The following ANO9 variants were observed in gnomAD, a reference collection of about 807,000 sequenced individuals.
ANO9 encodes anoctamin 9.
Under a neutral mutation model 100.5 loss-of-function variants are expected in ANO9, and 80 were observed. The ratio of observed to expected loss-of-function variants is 0.80; its 90% CI spans 0.66 to 0.96. ANO9 has a LOEUF of 0.96. Among genes scored for constraint, ANO9 ranks in the 40% least tolerant of loss-of-function variants. The probability of loss-of-function intolerance (pLI) is 0.00; values close to 1 mark genes in which losing one functional copy is unlikely to be tolerated. For missense variants in ANO9, 1,064 were observed against 1,072.7 expected (o/e 0.99, Z 0.11); for synonymous variants, 473 against 435.6 (o/e 1.09, Z -1.07).
intron 1 of ANO9, among the ~76,000 whole-genome samples, chr11:437,559 C>T (rs10751659): frequency 0.86 from 130,213 of 152,292 alleles, 56,171 homozygotes; most frequent in East Asian, 1. Context: ...CAGGCGTGGC[C>T]TGCCACACTG....
chr11:423,403 TAGTC>T (rs1447180286), intron 15 of ANO9, among the ~76,000 whole-genome samples: 1 of 152,168 alleles, frequency 6.6e-6, no homozygotes, highest in Non-Finnish European at 1.5e-5. Flanking sequence ...TGGGGATGGT[TAGTC>T]AATCAATGGT....
intron 19 of ANO9, 67 bp from the exon 20 acceptor site, chr11:419,796 C>A (rs1006970463): frequency 1.2e-5 from 19 of 1,574,800 alleles, no homozygotes; most frequent in Non-Finnish European, 1.6e-5. Flanking sequence ...CTCACCCCCA[C>A]CCCCGGCCAA....
At chr11:424,312 C>T (rs1848368770) in intron 15 of ANO9, among the ~76,000 whole-genome samples, 1 of 152,202 alleles carries the variant, frequency 6.6e-6, no homozygotes, top group Admixed American at 6.5e-5. Flanking sequence ...AGATTTTTCA[C>T]GCTGTTTTCC....
chr11:428,015 G>A, intron 15 of ANO9, 73 bp downstream of exon 15: 1 of 1,122,688 alleles, frequency 8.9e-7, no homozygotes, highest in Non-Finnish European at 1.3e-6. Context: ...TAAAAGAATG[G>A]ACATTGCCAC....
chr11:420,797 G>C lies in ANO9; in HGVS notation c.1554C>G (p.Pro518=), dbSNP rs752954745. Residue 518 remains proline (P), a synonymous_variant, in exon 18 of 23, where the codon CCC becomes CCG. Coordinates refer to ENST00000332826, the MANE Select transcript of ANO9 (RefSeq NM_001012302.3). The part of the protein sequence containing the change: ...ASESGHLPRD[P]ELRDWRRNYL... Reference sequence around the variant, plus strand: ...AGTTGCGCCGCCAGTCCCTGAGCTCGGGGTCCCGGGGCAGGTGCCCGGACT... The same window carrying C: ...AGTTGCGCCGCCAGTCCCTGAGCTCCGGGTCCCGGGGCAGGTGCCCGGACT... 8 of 1,596,844 alleles carry C rather than the reference G, an allele frequency of 5.0e-6. No individual in the cohort carries two copies. In the Admixed American group the frequency reaches 1.0e-4, roughly 20 times the overall value.
At chr11:440,053 C>T (rs112531203) in intron 1 of ANO9, among the ~76,000 whole-genome samples, 1,634 of 152,164 alleles carry the variant, frequency 0.011, 26 homozygotes, top group African/African-American at 0.038. Context: ...GCAGCATTCC[C>T]GGGAGAAAGA....
rs1848033298 is a variant in ANO9 at position 419,307 on chromosome 11, G to C, written c.1934+275C>G. Reference sequence around the variant, plus strand: ...AGAGGACATGCGGAACCTCACATCGGGAGGGAGCCGTTCTGGCAGGGCCTA... The same window carrying C: ...AGAGGACATGCGGAACCTCACATCGCGAGGGAGCCGTTCTGGCAGGGCCTA... On this transcript the variant is annotated intron_variant, in intron 20 of 22. Transcript: ENST00000332826. 6 of 1,408,908 alleles carry C rather than the reference G, an allele frequency of 4.3e-6. No homozygotes were observed. In the Admixed American group the frequency reaches 1.8e-4, roughly 41 times the overall value. The allele number at this position is 1,408,908 out of a possible 1,614,324, so 87.3% of individuals were successfully genotyped here.
rs191411887 is a variant in ANO9, at chr11:425,858, A to G, written c.1334+2230T>C. Among the ~76,000 whole-genome samples the G allele has an allele frequency of 8.0e-3, 1,220 of 151,972 alleles. 25 individuals carry two copies. Among genetic ancestry groups the G allele is most frequent in the African/African-American group, 0.027 (1,139 of 41,438 alleles). ...ACCATTCTGCCTCAGCCTCCCCAGT[A>G]GCTGGGACTACAGGTGCCCGCCACC... On this transcript the variant is annotated intron_variant, in intron 15 of 22. Transcript: ENST00000332826.
At chr11:435,463 A>T (rs146730949) in intron 1 of ANO9, among the ~76,000 whole-genome samples, 25,812 of 142,852 alleles carry the variant, frequency 0.18, 2,939 homozygotes, top group Middle Eastern at 0.23. Flanking sequence ...AGGATAGCAT[A>T]GTATAGCATA....
chr11:438,586 C>T (rs1303972362), intron 1 of ANO9, among the ~76,000 whole-genome samples: 1 of 151,128 alleles, frequency 6.6e-6, no homozygotes, highest in African/African-American at 2.5e-5. Context: ...TCTGTCCATC[C>T]GTCTCCAGGG....
intron 1 of ANO9, among the ~76,000 whole-genome samples, chr11:441,658 C>T (rs1845882224): frequency 6.6e-6 from 1 of 152,180 alleles, no homozygotes; most frequent in South Asian, 2.1e-4. Flanking sequence ...GAGCCCAGCC[C>T]TGGTGCCCTC....
chr11:423,717 C>A (rs1590427495), intron 15 of ANO9, among the ~76,000 whole-genome samples: 1 of 151,740 alleles, frequency 6.6e-6, no homozygotes, highest in East Asian at 1.9e-4. Context: ...GGTTTGGGGG[C>A]AGTGGGTCTC....
chr11:433,717 G>A, intron 3 of ANO9, 98 bp downstream of exon 3: 2 of 1,474,742 alleles, frequency 1.4e-6, no homozygotes, highest in South Asian at 2.7e-5. Context: ...CCACAGCCCT[G>A]CCCCTCGCTG....
intron 20 of ANO9, 39 bp from the exon 21 acceptor site, chr11:419,028 T>A: frequency 6.2e-7 from 1 of 1,611,314 alleles, no homozygotes; most frequent in South Asian, 1.1e-5. Flanking sequence ...GGGGTGGGCT[T>A]CCAGGGCGGC....
Position 418,732 on chromosome 11 carries a change from G to T in ANO9, c.2118C>A (p.Val706=). 1 of 1,613,016 alleles carries T rather than the reference G, an allele frequency of 6.2e-7. No homozygotes were observed. The highest frequency in any genetic ancestry group is 8.5e-7 in the Non-Finnish European group (1 of 1,180,012). The change falls in exon 22 of 23, where the codon GTC becomes GTA. Residue 706 remains valine, a synonymous_variant. Transcript: ENST00000332826. ...GGTTCTGGCTCACCTCAAAGAGGATGACGAAGGCCAGGCGGATGGCCAGGA... is the reference window on the plus strand; with the variant it reads ...GGTTCTGGCTCACCTCAAAGAGGATTACGAAGGCCAGGCGGATGGCCAGGA... ...WFLLAIRLAF[V]ILFEHVALCI... is the part of the protein sequence containing the mutation.
chr11:429,749 G>A lies in ANO9; in HGVS notation c.832+9C>T, dbSNP rs368778787. 74 of 1,611,578 alleles carry A rather than the reference G, an allele frequency of 4.6e-5. No homozygotes were observed. The African/African-American group carries it at 4.7e-4, about 10-fold the overall frequency. Reference sequence around the variant, plus strand: ...CCTGGCCCCGCAGAGGCGTCCCGCAGCAACTCACCCCAGAGAGCCATGAAG... The same window carrying A: ...CCTGGCCCCGCAGAGGCGTCCCGCAACAACTCACCCCAGAGAGCCATGAAG... On this transcript the variant is annotated intron_variant, in intron 10 of 22. Transcript: ENST00000332826.
chr11:418,882 C>T lies in ANO9; in HGVS notation c.2036+6G>A. ...GGGCATTCTTGGGGGATGGGGAGTT[C>T]CAAACCTGCACAGAGTCACGTTTTC... On this transcript the variant is annotated splice_donor_region_variant and intron_variant, in intron 21 of 22. Coordinates refer to ENST00000332826, the MANE Select transcript of ANO9 (RefSeq NM_001012302.3). 6.2e-7 allele frequency: 1 copy of T among 1,613,616 alleles called. No individual in the cohort carries two copies. The highest frequency in any genetic ancestry group is 1.3e-5 in the African/African-American group (1 of 75,028).
chr11:441,802 C>G (rs374885023), intron 1 of ANO9, 119 bp downstream of exon 1: 3 of 1,436,466 alleles, frequency 2.1e-6, no homozygotes, highest in Non-Finnish European at 1.8e-6. Context: ...TGCAGGGACC[C>G]CCCCCACACA....
intron 1 of ANO9, among the ~76,000 whole-genome samples, chr11:439,830 C>A (rs1347961090): frequency 6.6e-6 from 1 of 152,156 alleles, no homozygotes; most frequent in Non-Finnish European, 1.5e-5. Flanking sequence ...TCTGCCCACC[C>A]CCCGGCCCCT....
Sources: allele counts gnomAD v4.1 joint callset (sites outside exome capture counted in the v4.1 genomes callset), GRCh38; gene constraint gnomAD v4.1.1; transcripts MANE v1.5; gene names NCBI Gene and HGNC (gene_info 2026-07-23, HGNC 2026-07-21).